The following KIAA0586 variants were observed in gnomAD, a reference collection of about 807,000 sequenced individuals.
KIAA0586 encodes the protein KIAA0586.
In KIAA0586, 144 loss-of-function variants were observed where a neutral mutation model predicts 169.8. The ratio of observed to expected loss-of-function variants is 0.85; its 90% CI spans 0.74 to 0.97. The LOEUF (loss-of-function observed/expected upper bound fraction) is 0.97. Ranked by LOEUF, KIAA0586 falls within the 50% of genes least tolerant of loss-of-function variation. KIAA0586 has a pLI of 0.00. For missense variants in KIAA0586, 1,854 were observed against 1,823.0 expected, an observed-to-expected ratio of 1.02 and a Z score of -0.31; for synonymous variants, 625 against 612.4, an observed-to-expected ratio of 1.02 and a Z score of -0.30.
chr14:58,467,195 G>T (rs1196380823), intron 15 of KIAA0586, among the ~76,000 whole-genome samples: 1 of 152,192 alleles, frequency 6.6e-6, no homozygotes, highest in East Asian at 1.9e-4. Context: ...GCCCGGTACA[G>T]TTCTGAGCAC....
intron 22 of KIAA0586, 32 bp downstream of exon 22, chr14:58,487,198 A>T (rs1566881827): frequency 1.3e-6 from 2 of 1,560,854 alleles, no homozygotes; most frequent in South Asian, 2.3e-5. Context: ...CTCGGTTTTA[A>T]TTTTAGCAAC....
At chr14:58,427,716 G>A (rs1036380329), upstream of KIAA0586, 1 of 1,535,082 alleles carries the variant, frequency 6.5e-7, no homozygotes, top group Non-Finnish European at 8.7e-7. Context: ...GCGGGCAACT[G>A]ACGCTGTTGT....
chr14:58,427,714 C>G (rs2036938861), upstream of KIAA0586: 1 of 1,534,930 alleles, frequency 6.5e-7, no homozygotes, highest in African/African-American at 1.4e-5. Context: ...CTGCGGGCAA[C>G]TGACGCTGTT....
At chr14:58,452,401 GTCTTA>G (rs1340858047) in intron 8 of KIAA0586, among the ~76,000 whole-genome samples, 12 of 152,194 alleles carry the variant, frequency 7.9e-5, no homozygotes, top group East Asian at 1.9e-4. Context: ...ATGCATGCAG[GTCTTA>G]TCTTAGACAC....
chr14:58,516,645 C>T (rs1221984866), intron 29 of KIAA0586, among the ~76,000 whole-genome samples: 2 of 152,092 alleles, frequency 1.3e-5, no homozygotes, highest in African/African-American at 4.8e-5. Flanking sequence ...AGTTGACAAG[C>T]TGAAGCTAAA....
chr14:58,515,041 T>C lies in KIAA0586; in HGVS notation c.4429+2414T>C, dbSNP rs59553674. On this transcript the variant is annotated intron_variant, in intron 29 of 30. Coordinates refer to ENST00000652326, the MANE Select transcript of KIAA0586 (RefSeq NM_001329943.3). The stretch of plus-strand genomic sequence containing the variant: ...TACACTTTAAAAATTATTTTCCTTC[T>C]TTTTTTCTCTTTAAATTTTAAGACC... Among the ~76,000 whole-genome samples, 447 of 152,128 alleles carry C rather than the reference T, an allele frequency of 2.9e-3. 20 individuals carry two copies. The East Asian group carries it at 0.068, about 23-fold the overall frequency.
Position 58,482,593 on chromosome 14 carries a change from G to A in KIAA0586, c.3025G>A (p.Val1009Ile). The A allele has an allele frequency of 6.2e-7, 1 of 1,605,290 alleles. No homozygotes were observed. The highest frequency in any genetic ancestry group is 1.7e-5 in the Admixed American group (1 of 59,292). The change falls in exon 21 of 31, where the codon GTT becomes ATT. Residue 1009 changes from valine (V) to isoleucine (I), a missense_variant. Val to Ile is a conservative substitution (Grantham distance 29). Coordinates refer to ENST00000652326, the MANE Select transcript of KIAA0586 (RefSeq NM_001329943.3). ...GAACTCAAATGTGATTAAACATTTT[G>A]TTAACGAAGCTCTTGCTGAGACCAT... ...PVNSNVIKHF[V>I]NEALAETIAV...
Position 58,450,750 on chromosome 14 carries a change from A to G in KIAA0586, c.1129+4A>G. On this transcript the variant is annotated splice_donor_region_variant and intron_variant, in intron 8 of 30. Coordinates refer to ENST00000652326, the MANE Select transcript of KIAA0586 (RefSeq NM_001329943.3). ...ATGGAAGTGTCGTGTCACAGAGGTAATAGAGACTTTTACTAGACCTATCCC... is the reference window on the plus strand; with the variant it reads ...ATGGAAGTGTCGTGTCACAGAGGTAGTAGAGACTTTTACTAGACCTATCCC... 1 of 1,580,424 alleles carries G rather than the reference A, an allele frequency of 6.3e-7. No individual in the cohort carries two copies. Among genetic ancestry groups the G allele is most frequent in the Non-Finnish European group, 8.7e-7 (1 of 1,152,380 alleles).
chr14:58,461,269 A>G (rs2040302344), intron 14 of KIAA0586, 109 bp downstream of exon 14: 2 of 652,782 alleles, frequency 3.1e-6, no homozygotes, highest in Non-Finnish European at 4.7e-6. Flanking sequence ...CATTCAAGTT[A>G]TATGATGCTT....
intron 29 of KIAA0586, among the ~76,000 whole-genome samples, chr14:58,535,296 A>T: frequency 6.6e-6 from 1 of 152,220 alleles, no homozygotes; most frequent in Non-Finnish European, 1.5e-5. Flanking sequence ...TAAAACATAG[A>T]GTCTCTCAGT....
chr14:58,507,975 A>G (rs1595425583), intron 27 of KIAA0586, among the ~76,000 whole-genome samples: 1 of 151,952 alleles, frequency 6.6e-6, no homozygotes, highest in African/African-American at 2.4e-5. Context: ...TAGTAGAGAC[A>G]GGTTTCACCG....
chr14:58,494,163 G>T (rs2043003938), intron 26 of KIAA0586, among the ~76,000 whole-genome samples: 1 of 144,178 alleles, frequency 6.9e-6, no homozygotes, highest in African/African-American at 2.6e-5. Context: ...TCCAGATATT[G>T]ACACTTCTAC....
At chr14:58,507,483 A>G (rs1317602086) in intron 27 of KIAA0586, among the ~76,000 whole-genome samples, 1 of 151,272 alleles carries the variant, frequency 6.6e-6, no homozygotes, top group Non-Finnish European at 1.5e-5. Flanking sequence ...AAGGTTGTCT[A>G]GCAAGACTGT....
chr14:58,457,910 T>C lies in KIAA0586; in HGVS notation c.1514T>C (p.Leu505Pro). 2 of 1,605,988 alleles carry C rather than the reference T, an allele frequency of 1.2e-6. No individual in the cohort carries two copies. The highest frequency in any genetic ancestry group is 1.7e-6 in the Non-Finnish European group (2 of 1,175,756). Residue 505 changes from leucine to proline, a missense_variant, in exon 11 of 31, where the codon CTG (leucine) becomes CCG (proline). Transcript: ENST00000652326. ...QNNKKVLEEN[L>P]EAIIRAKDGA... The stretch of plus-strand genomic sequence containing the variant: ...AATAAAAAAGTACTTGAAGAAAACC[T>C]GGAAGCTATTATTCGTGCAAAAGAT...
chr14:58,506,667 A>G (rs1936763776), intron 27 of KIAA0586, among the ~76,000 whole-genome samples: 1 of 149,654 alleles, frequency 6.7e-6, no homozygotes, highest in Non-Finnish European at 1.5e-5. Flanking sequence ...AGCCTGGGTG[A>G]GTGAGTCTCC....
chr14:58,540,201 T>C, intron 30 of KIAA0586, 65 bp downstream of exon 30: 2 of 864,092 alleles, frequency 2.3e-6, no homozygotes, highest in Non-Finnish European at 3.7e-6. Context: ...TTCCTGATGA[T>C]TCTTTCTCTC....
Position 58,465,978 on chromosome 14 carries a change from A to C in KIAA0586, c.2203A>C (p.Thr735Pro). 3.7e-6 allele frequency: 6 copies of C among 1,613,458 alleles called. No individual in the cohort carries two copies. The highest frequency in any genetic ancestry group is 5.1e-6 in the Non-Finnish European group (6 of 1,179,548). Reference protein sequence around the residue: ...YLFSPSREMPTFSGTLEGHLI... With the variant: ...YLFSPSREMPPFSGTLEGHLI... ...GTTCAGCCCAAGTAGAGAAATGCCT[A>C]CTTTTTCAGGTACATTGGAAGGTCA... The change falls in exon 15 of 31, where the codon ACT becomes CCT. Residue 735 changes from threonine to proline, a missense_variant. Transcript: ENST00000652326.
At chr14:58,478,947 A>G (rs1283441820) in intron 20 of KIAA0586, among the ~76,000 whole-genome samples, 1 of 152,222 alleles carries the variant, frequency 6.6e-6, no homozygotes, top group Non-Finnish European at 1.5e-5. Flanking sequence ...TTGTCAATCC[A>G]TTTACCAGTT....
In KIAA0586 at chr14:58,500,085, T is replaced by C. The variant is rs369964538; in HGVS notation, c.4168+1125T>C. On this transcript the variant is annotated intron_variant, in intron 27 of 30. Coordinates refer to ENST00000652326, the MANE Select transcript of KIAA0586 (RefSeq NM_001329943.3). ...GAATAGAGAATACCAATCACTAGCA[T>C]ATATAGTTGACTCTCATCTATGGAC... 2.6e-5 allele frequency among the ~76,000 whole-genome samples: 4 copies of C among 152,346 alleles called. 1 individual carries two copies.
Sources: gnomAD v4.1 joint callset for allele counts (sites outside exome capture counted in the v4.1 genomes callset) on GRCh38, gnomAD v4.1.1 for gene constraint, MANE v1.5 for transcripts, NCBI Gene and HGNC (gene_info 2026-07-23, HGNC 2026-07-21) for gene names.